The following PKDCC variants were observed in gnomAD, a reference collection of about 807,000 sequenced individuals.
The protein encoded by PKDCC is protein kinase domain containing, cytoplasmic.
In PKDCC, 35 loss-of-function variants were observed where a neutral mutation model predicts 44.7. The observed-to-expected ratio is 0.78, with a 90% CI of 0.60 to 1.04. The LOEUF (loss-of-function observed/expected upper bound fraction) is 1.04. Ranked by LOEUF, PKDCC falls within the 50% of genes least tolerant of loss-of-function variation. PKDCC has a pLI of 0.00. For missense variants in PKDCC, 738 were observed against 672.7 expected, an observed-to-expected ratio of 1.10 and a Z score of -1.07; for synonymous variants, 353 against 303.3, an observed-to-expected ratio of 1.16 and a Z score of -1.70.
At position 42,052,041 on chromosome 2, in the gene PKDCC, G is replaced by A. The variant is rs960471149; in HGVS notation, c.640-1198G>A. ...GCTGTGGAGTATGTTGGAAGAGCCA[G>A]GGGGATGCCTGTGGGTGCTGTTAAG... On this transcript the variant is annotated intron_variant, in intron 1 of 6. Coordinates refer to ENST00000294964, the MANE Select transcript of PKDCC (RefSeq NM_138370.3). This position sits in a 1 kb window ranked among gnomAD's most constrained non-coding sequence, Gnocchi z 4.3. Among the ~76,000 whole-genome samples the A allele has an allele frequency of 6.6e-6, 1 of 152,120 alleles. No individual in the cohort carries two copies. The highest frequency in any genetic ancestry group is 2.4e-5 in the African/African-American group (1 of 41,410).
At chr2:42,057,434 G>GA in intron 6 of PKDCC, 40 bp downstream of exon 6, 1 of 1,612,010 alleles carries the variant, frequency 6.2e-7, no homozygotes, top group Non-Finnish European at 8.5e-7. Context: ...GAGATGGCAG[G>GA]ACCTCTCTGG....
chr2:42,048,939 C>G lies in PKDCC; in HGVS notation c.639+101C>G, dbSNP rs1204893419. 6.0e-6 allele frequency: 8 copies of G among 1,342,694 alleles called. No individual in the cohort carries two copies. The highest frequency in any genetic ancestry group is 7.7e-6 in the Non-Finnish European group (8 of 1,043,216). 83.2% of individuals were successfully genotyped at this position (1,342,694 alleles called of 1,614,324 possible). The stretch of plus-strand genomic sequence containing the variant: ...ACCCCTTGATCTGGAGTGCCAGTGA[C>G]TGCACCCAGGCTAAGCTAGACGCAG... On this transcript the variant is annotated intron_variant, in intron 1 of 6. Transcript: ENST00000294964. This position sits in a 1 kb window ranked among gnomAD's most constrained non-coding sequence, Gnocchi z 6.2.
intron 1 of PKDCC, 32 bp from the exon 2 acceptor site, chr2:42,053,207 T>A: frequency 7.4e-6 from 9 of 1,209,000 alleles, no homozygotes; most frequent in Non-Finnish European, 8.0e-6. Context: ...CCCCACCCTG[T>A]GACCTAATGA....
In PKDCC at chr2:42,053,307, C is replaced by CA; in HGVS notation, c.708_709insA (p.Ala237SerfsTer62). On this transcript the variant is annotated frameshift_variant, in exon 2 of 7. Coordinates refer to ENST00000294964, the MANE Select transcript of PKDCC (RefSeq NM_138370.3). LOFTEE classifies it high-confidence loss of function. ...CCCTGACCACCATCACGGAGCTGGG[C>CA]GCCCCTGTAGAAATGATCCAGCTGC... is the stretch of plus-strand genomic sequence containing the variant. 6.2e-7 allele frequency: 1 copy of CA among 1,613,726 alleles called. No individual in the cohort carries two copies. Among genetic ancestry groups the CA allele is most frequent in the Non-Finnish European group, 8.5e-7 (1 of 1,179,888 alleles).
chr2:42,057,622 C>G lies in PKDCC; in HGVS notation c.1416C>G (p.Phe472Leu). Residue 472 changes from phenylalanine to leucine, a missense_variant, in exon 7 of 7, where the codon TTC (phenylalanine) becomes TTG (leucine). Phe to Leu is a conservative substitution (Grantham distance 22, BLOSUM62 0). Coordinates refer to ENST00000294964, the MANE Select transcript of PKDCC (RefSeq NM_138370.3). ...CCCCAGGTCGGCAGCTGGTCTTTTT[C>G]AAGACTGGATGGAGCCAAGTGGTCC... ...TTWTGRQLVF[F>L]KTGWSQVVPD... 6.2e-7 allele frequency: 1 copy of G among 1,613,918 alleles called. No individual in the cohort carries two copies.
At chr2:42,056,103 A>G (rs1292546883) in intron 5 of PKDCC, among the ~76,000 whole-genome samples, 1 of 152,180 alleles carries the variant, frequency 6.6e-6, no homozygotes, top group Non-Finnish European at 1.5e-5. Flanking sequence ...GAGGTGAACA[A>G]TGGCTGGCTC....
At position 42,055,668 on chromosome 2, in the gene PKDCC, T is replaced by A. The variant is rs1294845570; in HGVS notation, c.1222+275T>A. 2 of 380,908 alleles carry A rather than the reference T, an allele frequency of 5.3e-6. No homozygotes were observed. Among genetic ancestry groups the A allele is most frequent in the Non-Finnish European group, 9.6e-6 (2 of 209,378 alleles). 23.6% of individuals were successfully genotyped at this position (380,908 alleles called of 1,614,324 possible). A position where few individuals can be genotyped will look rare whatever the true frequency, so the allele number is the denominator to read the frequency against. ...GCTCCAAACCCTATCATGTACTGGC[T>A]ATATGACTTTGAGCAAGTTACCCCT... On this transcript the variant is annotated intron_variant, in intron 5 of 6. Transcript: ENST00000294964. This position sits in a 1 kb window ranked among gnomAD's most constrained non-coding sequence, Gnocchi z 4.5.
chr2:42,048,030 T>C lies in PKDCC; in HGVS notation c.-170T>C. 1 of 177,296 alleles carries C rather than the reference T, an allele frequency of 5.6e-6. No individual in the cohort carries two copies. The highest frequency in any genetic ancestry group is 9.3e-6 in the Non-Finnish European group (1 of 107,210). 11.0% of individuals were successfully genotyped at this position (177,296 alleles called of 1,614,324 possible). On this transcript the variant is annotated 5_prime_UTR_variant, in exon 1 of 7. Transcript: ENST00000294964. The surrounding 1 kb of genome is among the most constrained non-coding windows in gnomAD (Gnocchi z 6.2). Reference sequence around the variant, plus strand: ...GGGCAGGGCGGCAGGGAGGCAAGTGTCAGGCCGATGTGTCGCCCGCGAGGG... The same window carrying C: ...GGGCAGGGCGGCAGGGAGGCAAGTGCCAGGCCGATGTGTCGCCCGCGAGGG...
At position 42,055,210 on chromosome 2, in the gene PKDCC, G is replaced by A. The variant is rs1668032733; in HGVS notation, c.1115-76G>A. 1 of 1,421,392 alleles carries A rather than the reference G, an allele frequency of 7.0e-7. No homozygotes were observed. Among genetic ancestry groups the A allele is most frequent in the African/African-American group, 1.4e-5 (1 of 71,464 alleles). 88.0% of individuals were successfully genotyped at this position (1,421,392 alleles called of 1,614,324 possible). ...GGGCACAGGCTCTGGAGGCAGAGGT[G>A]GGAGCAGCTGGCTGCTGACTTCAGG... On this transcript the variant is annotated intron_variant, in intron 4 of 6. Coordinates refer to ENST00000294964, the MANE Select transcript of PKDCC (RefSeq NM_138370.3). The surrounding 1 kb of genome is among the most constrained non-coding windows in gnomAD (Gnocchi z 4.5).
At position 42,058,092 on chromosome 2, in the gene PKDCC, C is replaced by G. The variant is rs892923354; in HGVS notation, c.*404C>G. 5.1e-6 allele frequency: 1 copy of G among 196,748 alleles called. No individual in the cohort carries two copies. Among genetic ancestry groups the G allele is most frequent in the East Asian group, 1.3e-4 (1 of 7,424 alleles). The allele number at this position is 196,748 out of a possible 1,614,324, so 12.2% of individuals were successfully genotyped here. ...CTGCTGCTGCACATGCCACAGCAGGCGGTGGGGGCTGCGTGGGGACAATCC... is the reference window on the plus strand; with the variant it reads ...CTGCTGCTGCACATGCCACAGCAGGGGGTGGGGGCTGCGTGGGGACAATCC... On this transcript the variant is annotated 3_prime_UTR_variant, in exon 7 of 7. Coordinates refer to ENST00000294964, the MANE Select transcript of PKDCC (RefSeq NM_138370.3). The surrounding 1 kb of genome is among the most constrained non-coding windows in gnomAD (Gnocchi z 4.2).
chr2:42,049,481 C>A (rs1048736368), intron 1 of PKDCC, among the ~76,000 whole-genome samples: 13 of 152,224 alleles, frequency 8.5e-5, no homozygotes, highest in Admixed American at 3.9e-4. Flanking sequence ...GTTCCCCAGG[C>A]CTTAAAGTGG....
At chr2:42,056,891 T>C (rs1313864953) in intron 5 of PKDCC, among the ~76,000 whole-genome samples, 1 of 152,228 alleles carries the variant, frequency 6.6e-6, no homozygotes, top group African/African-American at 2.4e-5. Flanking sequence ...CCTCAGCAAT[T>C]AGCCTAGACA....
chr2:42,057,588 AC>A lies in PKDCC; in HGVS notation c.1397-13del, dbSNP rs753930653. On this transcript the variant is annotated splice_polypyrimidine_tract_variant and intron_variant, in intron 6 of 6. Coordinates refer to ENST00000294964, the MANE Select transcript of PKDCC (RefSeq NM_138370.3). ...GAAACATCCAGCCCTGTTACCTCTC[AC>A]CTCTGCCCCCCAGGTCGGCAGCTGG... The A allele has an allele frequency of 8.5e-5, 137 of 1,612,514 alleles. No individual in the cohort carries two copies. The highest frequency in any genetic ancestry group is 5.0e-4 in the Middle Eastern group (3 of 6,054).
rs1667904172 is a variant in PKDCC, at chr2:42,048,350, G to T, written c.151G>T (p.Gly51Trp). 8.6e-7 allele frequency: 1 copy of T among 1,167,980 alleles called. No homozygotes were observed. Among genetic ancestry groups the T allele is most frequent in the Non-Finnish European group, 1.1e-6 (1 of 947,196 alleles). The allele number at this position is 1,167,980 out of a possible 1,614,324, so 72.4% of individuals were successfully genotyped here. A position where few individuals can be genotyped will look rare whatever the true frequency, so the allele number is the denominator to read the frequency against. Residue 51 changes from glycine (G) to tryptophan (W), a missense_variant, in exon 1 of 7, where the codon GGG (glycine) becomes TGG (tryptophan). Physicochemically the swap from Gly to Trp is radical, Grantham distance 184. Transcript: ENST00000294964. The surrounding 1 kb of genome is among the most constrained non-coding windows in gnomAD (Gnocchi z 6.2). ...GCCGGCCCCGGGTCCGGGCCGTCGC[G>T]GGGGCCGCGGGGAGCTGGCCCGGCA... ...PSPAPGPGRR[G>W]GRGELARQIR... is the part of the protein sequence containing the mutation.
In PKDCC at chr2:42,048,263, C is replaced by T. The variant is rs1305021180; in HGVS notation, c.64C>T (p.Leu22Phe). Residue 22 changes from leucine (L) to phenylalanine (F), a missense_variant, in exon 1 of 7, where the codon CTC (leucine) becomes TTC (phenylalanine). Physicochemically the swap from Leu to Phe is conservative, Grantham distance 22. Coordinates refer to ENST00000294964, the MANE Select transcript of PKDCC (RefSeq NM_138370.3). This position sits in a 1 kb window ranked among gnomAD's most constrained non-coding sequence, Gnocchi z 6.2. ...CGCCTCCTTCCTGCTGGGCTCCGTC[C>T]TCAACGTGCTCTTCGCTCCGGGCTC... ...FCASFLLGSV[L>F]NVLFAPGSEP... The T allele has an allele frequency of 7.0e-6, 9 of 1,280,374 alleles. No individual in the cohort carries two copies. Among genetic ancestry groups the T allele is most frequent in the African/African-American group, 1.6e-5 (1 of 62,982 alleles). The allele number at this position is 1,280,374 out of a possible 1,614,324, so 79.3% of individuals were successfully genotyped here.
At position 42,048,322 on chromosome 2, in the gene PKDCC, T is replaced by C. The variant is rs977104250; in HGVS notation, c.123T>C (p.Pro41=). 2.4e-5 allele frequency: 28 copies of C among 1,191,424 alleles called. No homozygotes were observed. The African/African-American group carries it at 4.4e-4, about 19-fold the overall frequency. The allele number at this position is 1,191,424 out of a possible 1,614,324, so 73.8% of individuals were successfully genotyped here. A position where few individuals can be genotyped will look rare whatever the true frequency, so the allele number is the denominator to read the frequency against. The change falls in exon 1 of 7, where the codon CCT becomes CCC. Residue 41 remains proline (P), a synonymous_variant. Coordinates refer to ENST00000294964, the MANE Select transcript of PKDCC (RefSeq NM_138370.3). The surrounding 1 kb of genome is among the most constrained non-coding windows in gnomAD (Gnocchi z 6.2). ...EPPRPGQSPE[P]SPAPGPGRRG... ...CGAGGCCAGGCCAGTCCCCTGAGCC[T>C]TCGCCGGCCCCGGGTCCGGGCCGTC... is the stretch of plus-strand genomic sequence containing the variant.
At position 42,051,887 on chromosome 2, in the gene PKDCC, A is replaced by G. The variant is rs916776724; in HGVS notation, c.640-1352A>G. Among the ~76,000 whole-genome samples, 2 of 152,076 alleles carry G rather than the reference A, an allele frequency of 1.3e-5. No homozygotes were observed. Among genetic ancestry groups the G allele is most frequent in the African/African-American group, 4.8e-5 (2 of 41,404 alleles). ...GTGTGAATGATGGTATGAGGGTGACAGTGCACAGGGATATCCACCCCTCCA... is the reference window on the plus strand; with the variant it reads ...GTGTGAATGATGGTATGAGGGTGACGGTGCACAGGGATATCCACCCCTCCA... On this transcript the variant is annotated intron_variant, in intron 1 of 6. Transcript: ENST00000294964. The surrounding 1 kb of genome is among the most constrained non-coding windows in gnomAD (Gnocchi z 4.2).
Position 42,054,293 on chromosome 2 carries a change from C to T in PKDCC, c.1020C>T (p.Leu340=). The change falls in exon 3 of 7, where the codon CTC becomes CTT. Residue 340 remains leucine (L), a synonymous_variant. Transcript: ENST00000294964. The surrounding 1 kb of genome is among the most constrained non-coding windows in gnomAD (Gnocchi z 6.1). ...AGGGCATGAACGAGAAGCGGAACCT[C>T]TATAATGCCTACAGGTGACCTCCAC... The part of the protein sequence containing the change: ...WCEGMNEKRN[L]YNAYRFFFTY... 6.2e-7 allele frequency: 1 copy of T among 1,602,868 alleles called. No homozygotes were observed. The highest frequency in any genetic ancestry group is 8.5e-7 in the Non-Finnish European group (1 of 1,174,220).
At chr2:42,053,114 T>A in intron 1 of PKDCC, 125 bp from the exon 2 acceptor site, 2 of 1,107,746 alleles carry the variant, frequency 1.8e-6, no homozygotes, top group Non-Finnish European at 2.6e-6. Context: ...CATTCTCTTC[T>A]GGCCTGAGCT....
Sources: gnomAD v4.1 joint callset for allele counts (sites outside exome capture counted in the v4.1 genomes callset) on GRCh38, gnomAD v4.1.1 for gene constraint, Gnocchi (gnomAD v3.1) non-coding constraint, MANE v1.5 for transcripts, NCBI Gene and HGNC (gene_info 2026-07-23, HGNC 2026-07-21) for gene names.